CASP9: variants seen among roughly 807,000 people sequenced by gnomAD.
The protein encoded by CASP9 is caspase-9.
A neutral mutation model predicts 43.5 loss-of-function variants in CASP9; 29 were observed. The ratio of observed to expected loss-of-function variants is 0.67; its 90% CI spans 0.50 to 0.91. The LOEUF (loss-of-function observed/expected upper bound fraction) is 0.91. Among genes scored for constraint, CASP9 ranks in the 40% least tolerant of loss-of-function variants. The pLI, the probability that CASP9 is intolerant of heterozygous loss-of-function variation, is 0.00. For missense variants in CASP9, 575 were observed against 537.4 expected (o/e 1.07, Z -0.69); for synonymous variants, 206 against 211.9 (o/e 0.97, Z 0.24).
Position 15,524,068 on chromosome 1 carries a change from C to G in CASP9, c.132+1G>C. 6.9e-7 allele frequency: 1 copy of G among 1,455,912 alleles called. No individual in the cohort carries two copies. 90.2% of individuals were successfully genotyped at this position (1,455,912 alleles called of 1,614,324 possible). On this transcript the variant is annotated splice_donor_variant, in intron 1 of 8. Transcript: ENST00000333868. LOFTEE classifies it high-confidence loss of function. ...GCGGGGACAGGGGGCCGGGGGCGCA[C>G]CTGGATGTCCTCGATCATATGGGGC...
At position 15,508,051 on chromosome 1, in the gene CASP9, A is replaced by T. The variant is rs34368154; in HGVS notation, c.419-144T>A. ...TGCTGGTGGGAGAGCCACCTTGGAG[A>T]TCTGTTTAGAGGTTTCTAACAAAGT... On this transcript the variant is annotated intron_variant, in intron 2 of 8. Coordinates refer to ENST00000333868, the MANE Select transcript of CASP9 (RefSeq NM_001229.5). The T allele has an allele frequency of 5.1e-5, 38 of 747,582 alleles. No individual in the cohort carries two copies. The African/African-American group carries it at 5.6e-4, about 11-fold the overall frequency. 46.3% of individuals were successfully genotyped at this position (747,582 alleles called of 1,614,324 possible).
intron 1 of CASP9, among the ~76,000 whole-genome samples, chr1:15,521,941 T>C (rs1375579886): frequency 6.6e-6 from 1 of 152,238 alleles, no homozygotes; most frequent in Non-Finnish European, 1.5e-5. Flanking sequence ...TAATGGCTAC[T>C]GTTGGGAACA....
intron 8 of CASP9, chr1:15,493,444 C>G (rs1708967864): frequency 1.2e-5 from 15 of 1,253,954 alleles, no homozygotes; most frequent in East Asian, 3.6e-5. Context: ...ATCAGGCCAC[C>G]CTTCCCTATC....
rs532393380 is a variant in CASP9, at chr1:15,515,221, T to A, written c.418+2889A>T. ...ACCAAATAACAACAGATGAGCTTTG[T>A]ATTCTGCCTGCCTCCTTTACAGGAT... On this transcript the variant is annotated intron_variant, in intron 2 of 8. Coordinates refer to ENST00000333868, the MANE Select transcript of CASP9 (RefSeq NM_001229.5). Among the ~76,000 whole-genome samples the A allele has an allele frequency of 3.9e-5, 6 of 152,360 alleles. No individual in the cohort carries two copies. In the South Asian group the frequency reaches 1.2e-3, roughly 32 times the overall value.
intron 2 of CASP9, among the ~76,000 whole-genome samples, chr1:15,508,768 T>C (rs139088350): frequency 4.6e-5 from 7 of 152,240 alleles, no homozygotes; most frequent in African/African-American, 1.7e-4. Context: ...GCTGCAGACA[T>C]AGATAAGCAA....
At chr1:15,523,782 C>T (rs1710310750) in intron 1 of CASP9, among the ~76,000 whole-genome samples, 2 of 152,228 alleles carry the variant, frequency 1.3e-5, no homozygotes, top group African/African-American at 4.8e-5. Flanking sequence ...AACACTAAAG[C>T]TCTTTCAGTC....
At chr1:15,508,180 G>A (rs1424999339) in intron 2 of CASP9, among the ~76,000 whole-genome samples, 1 of 152,118 alleles carries the variant, frequency 6.6e-6, no homozygotes. Flanking sequence ...GTTCCCTGAG[G>A]CCTTATTCAT....
In CASP9 at chr1:15,493,901, G is replaced by A. The variant is rs1021419634; in HGVS notation, c.1149C>T (p.Leu383=). 1 of 1,595,610 alleles carries A rather than the reference G, an allele frequency of 6.3e-7. No individual in the cohort carries two copies. The highest frequency in any genetic ancestry group is 1.3e-5 in the African/African-American group (1 of 74,652). Residue 383 remains leucine (L), a synonymous_variant, in exon 8 of 9, where the codon CTC becomes CTT. Transcript: ENST00000333868. ...QWAHSEDLQS[L]LLRVANAVSV... ...GGAAGGCAGCACTCACCCTAAGCAGGAGGGACTGCAGGTCTTCAGAGTGAG... is the reference window on the plus strand; with the variant it reads ...GGAAGGCAGCACTCACCCTAAGCAGAAGGGACTGCAGGTCTTCAGAGTGAG...
intron 8 of CASP9, chr1:15,493,325 G>A: frequency 7.7e-7 from 1 of 1,303,464 alleles, no homozygotes; most frequent in Non-Finnish European, 9.7e-7. Context: ...TACCTGAGCA[G>A]AGCAGCTGGG....
chr1:15,491,454 A>G lies in CASP9; in HGVS notation c.*1489T>C. 1 of 1,211,604 alleles carries G rather than the reference A, an allele frequency of 8.3e-7. No individual in the cohort carries two copies. The highest frequency in any genetic ancestry group is 1.2e-6 in the Non-Finnish European group (1 of 851,112). 75.1% of individuals were successfully genotyped at this position (1,211,604 alleles called of 1,614,324 possible). A position where few individuals can be genotyped will look rare whatever the true frequency, so the allele number is the denominator to read the frequency against. The stretch of plus-strand genomic sequence containing the variant: ...AATTCAGAAATCCATCCTAACATCC[A>G]GGGCCCTAAGAACCAGAAATAGGTC... On this transcript the variant is annotated 3_prime_UTR_variant, in exon 9 of 9. Transcript: ENST00000333868.
intron 7 of CASP9, among the ~76,000 whole-genome samples, chr1:15,494,571 A>C (rs1224569538): frequency 6.6e-6 from 1 of 151,406 alleles, no homozygotes; most frequent in Non-Finnish European, 1.5e-5. Flanking sequence ...TCTCAAAAAA[A>C]AAAAAAAAAA....
At chr1:15,507,818 G>C (rs1448089094) in intron 3 of CASP9, 55 bp downstream of exon 3, 11 of 1,561,868 alleles carry the variant, frequency 7.0e-6, no homozygotes, top group Admixed American at 1.7e-5. Context: ...CCTGAGGGGT[G>C]GGGAGGGAAG....
chr1:15,492,836 G>A lies in CASP9; in HGVS notation c.*107C>T, dbSNP rs1237541149. The A allele has an allele frequency of 1.8e-5, 26 of 1,467,826 alleles. No homozygotes were observed. Among genetic ancestry groups the A allele is most frequent in the Middle Eastern group, 2.2e-4 (1 of 4,484 alleles). 90.9% of individuals were successfully genotyped at this position (1,467,826 alleles called of 1,614,324 possible). A position where few individuals can be genotyped will look rare whatever the true frequency, so the allele number is the denominator to read the frequency against. Reference sequence around the variant, plus strand: ...GCAGAGAAAGAGCAGACCCTGTGCCGGCTGCAAAGTCCTTGAGTTGCAGGA... The same window carrying A: ...GCAGAGAAAGAGCAGACCCTGTGCCAGCTGCAAAGTCCTTGAGTTGCAGGA... On this transcript the variant is annotated 3_prime_UTR_variant, in exon 9 of 9. Transcript: ENST00000333868.
Position 15,507,089 on chromosome 1 carries a change from G to C in CASP9, c.454-14C>G. ...CAGGATGTAAGCCTGCCAGCACAGG[G>C]ACCCACGTAAACCCGGGCTCTCCCC... is the stretch of plus-strand genomic sequence containing the variant. On this transcript the variant is annotated splice_polypyrimidine_tract_variant and intron_variant, in intron 3 of 8. Coordinates refer to ENST00000333868, the MANE Select transcript of CASP9 (RefSeq NM_001229.5). 1 of 1,613,126 alleles carries C rather than the reference G, an allele frequency of 6.2e-7. No homozygotes were observed. The highest frequency in any genetic ancestry group is 2.2e-5 in the East Asian group (1 of 44,838).
intron 6 of CASP9, among the ~76,000 whole-genome samples, chr1:15,498,462 A>C (rs995180318): frequency 7.9e-5 from 12 of 151,064 alleles, no homozygotes; most frequent in Non-Finnish European, 1.2e-4. Context: ...CAATCACCCC[A>C]AAAAAATGGT....
At chr1:15,507,618 C>G (rs1229807204) in intron 3 of CASP9, among the ~76,000 whole-genome samples, 1 of 152,250 alleles carries the variant, frequency 6.6e-6, no homozygotes, top group Non-Finnish European at 1.5e-5. Flanking sequence ...GCGACTTGGT[C>G]TGGATCCCGA....
Position 15,508,888 on chromosome 1 carries a change from G to A in CASP9, c.419-981C>T, listed in dbSNP as rs751123356. Reference sequence around the variant, plus strand: ...TCTATCTTCCCTTTTGTTACCACAAGACAGTAAAGAAGTAGGCAACATGGC... The same window carrying A: ...TCTATCTTCCCTTTTGTTACCACAAAACAGTAAAGAAGTAGGCAACATGGC... On this transcript the variant is annotated intron_variant, in intron 2 of 8. Coordinates refer to ENST00000333868, the MANE Select transcript of CASP9 (RefSeq NM_001229.5). Among the ~76,000 whole-genome samples the A allele has an allele frequency of 9.7e-4, 147 of 152,216 alleles. 2 individuals are homozygous for A. The highest frequency in any genetic ancestry group is 2.6e-4 in the Admixed American group (4 of 15,278).
At chr1:15,509,369 A>C (rs2103355991) in intron 2 of CASP9, among the ~76,000 whole-genome samples, 1 of 151,954 alleles carries the variant, frequency 6.6e-6, no homozygotes, top group Non-Finnish European at 1.5e-5. Context: ...TCACGCCTAT[A>C]ATCCTGGCAC....
chr1:15,523,632 CTT>C (rs1710303914), intron 1 of CASP9, among the ~76,000 whole-genome samples: 1 of 151,914 alleles, frequency 6.6e-6, no homozygotes, highest in Non-Finnish European at 1.5e-5. Context: ...AGAAATAAAA[CTT>C]AAGACCAGCC....
Sources: allele counts gnomAD v4.1 joint callset (sites outside exome capture counted in the v4.1 genomes callset), GRCh38; gene constraint gnomAD v4.1.1; transcripts MANE v1.5; gene names NCBI Gene and HGNC (gene_info 2026-07-23, HGNC 2026-07-21).